The following SDCCAG8 variants were observed in gnomAD, a reference collection of about 807,000 sequenced individuals.
The protein encoded by SDCCAG8 is SHH signaling and ciliogenesis regulator SDCCAG8.
In SDCCAG8, 74 loss-of-function variants were observed where a neutral mutation model predicts 101.8. The ratio of observed to expected loss-of-function variants is 0.73; its 90% CI spans 0.60 to 0.88. SDCCAG8 has a LOEUF of 0.88. SDCCAG8 is among the 40% of genes least tolerant of loss of function. SDCCAG8 has a pLI of 0.00. For missense variants in SDCCAG8, 787 were observed against 822.6 expected (o/e 0.96, Z 0.53); for synonymous variants, 281 against 292.9 (o/e 0.96, Z 0.41).
chr1:243,295,786 T>G (rs1015150406), intron 6 of SDCCAG8, among the ~76,000 whole-genome samples: 1 of 152,174 alleles, frequency 6.6e-6, no homozygotes, highest in African/African-American at 2.4e-5. Context: ...CTCTTCCCTT[T>G]TCTGCATTAG....
At chr1:243,473,645 C>G (rs1364352821) in intron 16 of SDCCAG8, among the ~76,000 whole-genome samples, 2 of 152,054 alleles carry the variant, frequency 1.3e-5, no homozygotes. Flanking sequence ...TGTGCAGGCT[C>G]AAACTGGCAG....
At chr1:243,357,767 C>T (rs541218127) in intron 12 of SDCCAG8, among the ~76,000 whole-genome samples, 7 of 152,154 alleles carry the variant, frequency 4.6e-5, no homozygotes, top group Middle Eastern at 3.4e-3. Context: ...CCTACTGTGG[C>T]GGGAGAGGGT....
intron 12 of SDCCAG8, among the ~76,000 whole-genome samples, chr1:243,345,606 T>C (rs1367689245): frequency 3.3e-5 from 5 of 152,228 alleles, no homozygotes; most frequent in Non-Finnish European, 5.9e-5. Context: ...TGGCATACTT[T>C]TGGCCTTTCG....
chr1:243,389,090 A>G (rs977362643), intron 13 of SDCCAG8, among the ~76,000 whole-genome samples: 1 of 151,928 alleles, frequency 6.6e-6, no homozygotes, highest in African/African-American at 2.4e-5. Flanking sequence ...TTAAGGCTAC[A>G]GTGAGCTTTG....
intron 13 of SDCCAG8, among the ~76,000 whole-genome samples, chr1:243,388,699 A>AG (rs1491576933): frequency 1.1e-4 from 1 of 9,314 alleles, no homozygotes; most frequent in Non-Finnish European, 2.0e-4. Flanking sequence ...CAGCTCTACC[A>AG]AAAAAAAAAA....
At chr1:243,279,912 C>T (rs1276956264) in intron 4 of SDCCAG8, among the ~76,000 whole-genome samples, 2 of 151,982 alleles carry the variant, frequency 1.3e-5, no homozygotes, top group East Asian at 3.9e-4. Flanking sequence ...TAATGCTGGC[C>T]TCATAAAATG....
chr1:243,339,617 C>T (rs535731876), intron 10 of SDCCAG8, among the ~76,000 whole-genome samples: 194 of 152,266 alleles, frequency 1.3e-3, no homozygotes, highest in Non-Finnish European at 2.3e-3. Flanking sequence ...ATGAAATTCT[C>T]CACTACCTTC....
Position 243,307,985 on chromosome 1 carries a change from T to G in SDCCAG8, c.741-4T>G. ...TTTCTAGAATTTTTTCACCCTCTTT[T>G]TAGGAACGACTTAGCTGAATATCAG... On this transcript the variant is annotated splice_region_variant and splice_polypyrimidine_tract_variant and intron_variant, in intron 7 of 17. Coordinates refer to ENST00000366541, the MANE Select transcript of SDCCAG8 (RefSeq NM_006642.5). 1 of 1,613,574 alleles carries G rather than the reference T, an allele frequency of 6.2e-7. No homozygotes were observed. Among genetic ancestry groups the G allele is most frequent in the Non-Finnish European group, 8.5e-7 (1 of 1,179,958 alleles).
chr1:243,383,758 A>G (rs1295795645), intron 13 of SDCCAG8, among the ~76,000 whole-genome samples: 1 of 152,216 alleles, frequency 6.6e-6, no homozygotes, highest in Admixed American at 6.5e-5. Context: ...AGAGAAAGGC[A>G]AATGACAACA....
chr1:243,330,480 A>G, intron 9 of SDCCAG8, 60 bp from the exon 10 acceptor site: 1 of 1,555,462 alleles, frequency 6.4e-7, no homozygotes, highest in Non-Finnish European at 8.9e-7. Flanking sequence ...TAATTATGTC[A>G]TTTTACCTAT....
intron 16 of SDCCAG8, among the ~76,000 whole-genome samples, chr1:243,470,778 A>G (rs1661095145): frequency 6.6e-6 from 1 of 152,178 alleles, no homozygotes; most frequent in South Asian, 2.1e-4. Context: ...GTGGCAAGAC[A>G]GCATCACAAG....
chr1:243,459,438 G>A (rs941980850), intron 16 of SDCCAG8, among the ~76,000 whole-genome samples: 5 of 152,044 alleles, frequency 3.3e-5, no homozygotes, highest in African/African-American at 4.8e-5. Flanking sequence ...AGGTGGAGGA[G>A]GCCAGAGGTT....
intron 16 of SDCCAG8, among the ~76,000 whole-genome samples, chr1:243,457,077 A>G (rs2083820618): frequency 6.6e-6 from 1 of 152,240 alleles, no homozygotes; most frequent in Non-Finnish European, 1.5e-5. Flanking sequence ...CACGCATGCT[A>G]GAAACATTAA....
chr1:243,476,004 G>GCCTA, intron 16 of SDCCAG8: 1 of 985,454 alleles, frequency 1.0e-6, no homozygotes, highest in Non-Finnish European at 1.2e-6. Flanking sequence ...CCTCCAGCAG[G>GCCTA]CCTAATCACT....
chr1:243,375,312 T>C (rs1197367510), intron 12 of SDCCAG8, among the ~76,000 whole-genome samples: 2 of 152,140 alleles, frequency 1.3e-5, no homozygotes, highest in Non-Finnish European at 2.9e-5. Context: ...AGGTAGACCA[T>C]GGGCACTGCT....
At chr1:243,440,740 AG>A in intron 16 of SDCCAG8, among the ~76,000 whole-genome samples, 1 of 152,270 alleles carries the variant, frequency 6.6e-6, no homozygotes, top group South Asian at 2.1e-4. Context: ...ATAACTTCTG[AG>A]GTGATTACAT....
intron 16 of SDCCAG8, among the ~76,000 whole-genome samples, chr1:243,475,726 C>T (rs1662274036): frequency 6.6e-6 from 1 of 152,126 alleles, no homozygotes. Context: ...GCAAAGCAAT[C>T]TTGGTATTTG....
chr1:243,323,815 A>G (rs762174566), intron 9 of SDCCAG8, among the ~76,000 whole-genome samples: 28 of 152,124 alleles, frequency 1.8e-4, no homozygotes, highest in Admixed American at 7.9e-4. Context: ...CTTAAACTCT[A>G]TAGATTTGGA....
intron 6 of SDCCAG8, among the ~76,000 whole-genome samples, chr1:243,294,473 T>TGGG (rs748640257): frequency 1.2e-4 from 11 of 94,920 alleles, no homozygotes; most frequent in African/African-American, 4.5e-4. Flanking sequence ...CCCCAAAAGG[T>TGGG]GGGGGGGGGG....
Sources: allele counts gnomAD v4.1 joint callset (sites outside exome capture counted in the v4.1 genomes callset), GRCh38; gene constraint gnomAD v4.1.1; transcripts MANE v1.5; gene names NCBI Gene and HGNC (gene_info 2026-07-23, HGNC 2026-07-21).